Variants in HCN1 observed in about 807,000 individuals in gnomAD.
HCN1 encodes the protein potassium/sodium hyperpolarization-activated cyclic nucleotide-gated channel 1.
HCN1 carries 13 observed loss-of-function variants against 78.9 expected under a neutral mutation model. The ratio of observed to expected loss-of-function variants is 0.16; its 90% CI spans 0.11 to 0.26. The LOEUF (loss-of-function observed/expected upper bound fraction) is 0.26. Among genes scored for constraint, HCN1 ranks in the 10% least tolerant of loss-of-function variants. The probability of loss-of-function intolerance (pLI) is 1.00; values close to 1 mark genes in which losing one functional copy is unlikely to be tolerated. For missense variants in HCN1, 810 were observed against 1,154.3 expected (o/e 0.70, Z 4.32); for synonymous variants, 552 against 455.5 (o/e 1.21, Z -2.70).
chr5:45,270,801 A>G (rs1267675443), intron 6 of HCN1, among the ~76,000 whole-genome samples: 2 of 152,194 alleles, frequency 1.3e-5, no homozygotes, highest in Admixed American at 1.3e-4. Context: ...TAAAAATTAG[A>G]AATAAGAATA....
chr5:45,669,548 G>T (rs1746110389), intron 1 of HCN1, among the ~76,000 whole-genome samples: 1 of 151,764 alleles, frequency 6.6e-6, no homozygotes, highest in South Asian at 2.1e-4. Flanking sequence ...TGAACCTATA[G>T]AGGAACATGA....
chr5:45,384,321 A>C (rs1374123562), intron 4 of HCN1, among the ~76,000 whole-genome samples: 2 of 152,198 alleles, frequency 1.3e-5, no homozygotes, highest in Non-Finnish European at 2.9e-5. Flanking sequence ...TATTACATCC[A>C]ATATAGTCAC....
rs1744774998 is a variant in HCN1, at chr5:45,262,686, G to A, written c.1908C>T (p.Ile636=). The A allele has an allele frequency of 1.2e-6, 2 of 1,614,044 alleles. No individual in the cohort carries two copies. Among genetic ancestry groups the A allele is most frequent in the Non-Finnish European group, 1.7e-6 (2 of 1,180,008 alleles). ...TCATTTGAGGATAATTGATGGGAGC[G>A]ATTGCCTGCACCATCTCCCTGTCAT... ...VKHDREMVQA[I]APINYPQMTT... Residue 636 remains isoleucine, a synonymous_variant, in exon 8 of 8, where the codon ATC becomes ATT. Coordinates refer to ENST00000303230, the MANE Select transcript of HCN1 (RefSeq NM_021072.4).
chr5:45,520,989 G>A (rs931536357), intron 2 of HCN1, among the ~76,000 whole-genome samples: 12 of 144,906 alleles, frequency 8.3e-5, no homozygotes, highest in African/African-American at 3.0e-4. Flanking sequence ...TTCCTAAGAG[G>A]TTTTTTTTTT....
At chr5:45,359,343 C>A (rs1438773270) in intron 4 of HCN1, among the ~76,000 whole-genome samples, 1 of 150,800 alleles carries the variant, frequency 6.6e-6, no homozygotes, top group Non-Finnish European at 1.5e-5. Flanking sequence ...ATTCTATCCC[C>A]ATGTCTCAAA....
chr5:45,421,418 T>C (rs1740225794), intron 3 of HCN1, among the ~76,000 whole-genome samples: 1 of 152,138 alleles, frequency 6.6e-6, no homozygotes, highest in Admixed American at 6.5e-5. Flanking sequence ...TGCCATGGGA[T>C]ATCATACTGC....
At chr5:45,684,295 T>C (rs528023518) in intron 1 of HCN1, among the ~76,000 whole-genome samples, 2 of 152,282 alleles carry the variant, frequency 1.3e-5, no homozygotes, top group South Asian at 2.1e-4. Context: ...TTATAGCCAA[T>C]AGAATTATGG....
At chr5:45,371,198 C>A (rs1747349172) in intron 4 of HCN1, among the ~76,000 whole-genome samples, 1 of 151,692 alleles carries the variant, frequency 6.6e-6, no homozygotes. Flanking sequence ...AATTAATAAC[C>A]TAAAATCACA....
intron 3 of HCN1, among the ~76,000 whole-genome samples, chr5:45,452,288 A>G (rs1235366553): frequency 1.3e-5 from 2 of 150,866 alleles, no homozygotes; most frequent in African/African-American, 4.9e-5. Flanking sequence ...TTTCTGAGGC[A>G]CCTAGCTGGT....
intron 4 of HCN1, among the ~76,000 whole-genome samples, chr5:45,359,417 AT>A (rs753037721): frequency 0.03 from 4,012 of 132,278 alleles, 174 homozygotes; most frequent in African/African-American, 0.1. Flanking sequence ...AAAAAAAAAA[AT>A]ATATATATAT....
chr5:45,351,531 C>A lies in HCN1; in HGVS notation c.1377+1569G>T, dbSNP rs1223025681. ...AAAAGACAAAATTGACAAATGGGAT[C>A]TAATTAAACTAAAGAGCTTCTGCAC... is the stretch of plus-strand genomic sequence containing the variant. On this transcript the variant is annotated intron_variant, in intron 5 of 7. Transcript: ENST00000303230. Among the ~76,000 whole-genome samples the A allele has an allele frequency of 6.6e-5, 7 of 106,844 alleles. 1 individual carries two copies. Among genetic ancestry groups the A allele is most frequent in the Non-Finnish European group, 1.0e-4 (6 of 58,734 alleles). 70.1% of individuals were successfully genotyped at this position (106,844 alleles called of 152,430 possible).
At chr5:45,646,328 T>C (rs1470807865) in intron 1 of HCN1, among the ~76,000 whole-genome samples, 1 of 151,664 alleles carries the variant, frequency 6.6e-6, no homozygotes, top group Non-Finnish European at 1.5e-5. Context: ...ACTTCAAATA[T>C]ATTGCCACTA....
intron 4 of HCN1, among the ~76,000 whole-genome samples, chr5:45,358,077 C>T (rs1747038044): frequency 6.6e-6 from 1 of 152,040 alleles, no homozygotes. Context: ...TTGAACTTTC[C>T]AGCCATCAGA....
chr5:45,462,207 C>T (rs962820404), intron 2 of HCN1, among the ~76,000 whole-genome samples, 200 bp from the exon 3 acceptor site: 3 of 151,938 alleles, frequency 2.0e-5, no homozygotes, highest in Non-Finnish European at 4.4e-5. Context: ...ATATTAAAGC[C>T]AACTATGTCT....
chr5:45,629,221 G>A (rs1223763561), intron 2 of HCN1, among the ~76,000 whole-genome samples: 1 of 151,890 alleles, frequency 6.6e-6, no homozygotes, highest in Non-Finnish European at 1.5e-5. Flanking sequence ...AGGGGAAATG[G>A]AGAAAGGCAA....
intron 2 of HCN1, among the ~76,000 whole-genome samples, chr5:45,503,143 T>C (rs1414802265): frequency 6.6e-6 from 1 of 152,218 alleles, no homozygotes; most frequent in East Asian, 1.9e-4. Flanking sequence ...TATCACTGTT[T>C]TGCAACCTTT....
At chr5:45,660,630 C>CA (rs1449261437) in intron 1 of HCN1, among the ~76,000 whole-genome samples, 340 of 150,730 alleles carry the variant, frequency 2.3e-3, no homozygotes, top group African/African-American at 7.8e-3. Flanking sequence ...CAATGGAAAA[C>CA]AAAAAAAGGC....
intron 7 of HCN1, among the ~76,000 whole-genome samples, chr5:45,264,868 C>T (rs1389343251): frequency 3.9e-5 from 6 of 152,026 alleles, no homozygotes; most frequent in Admixed American, 1.3e-4. Context: ...GTATTGATTA[C>T]GAACCATTTC....
At chr5:45,688,377 T>G (rs1739847885) in intron 1 of HCN1, among the ~76,000 whole-genome samples, 1 of 152,154 alleles carries the variant, frequency 6.6e-6, no homozygotes, top group African/African-American at 2.4e-5. Flanking sequence ...ATGTTCACGC[T>G]ACATAACTTC....
Sources: gnomAD v4.1 joint callset for allele counts (sites outside exome capture counted in the v4.1 genomes callset) on GRCh38, gnomAD v4.1.1 for gene constraint, MANE v1.5 for transcripts, NCBI Gene and HGNC (gene_info 2026-07-23, HGNC 2026-07-21) for gene names.